VPS13B: variants seen among roughly 807,000 people sequenced by gnomAD.
VPS13B encodes the protein vacuolar protein sorting 13 homolog B.
A neutral mutation model predicts 426.4 loss-of-function variants in VPS13B; 285 were observed. The ratio of observed to expected loss-of-function variants is 0.67; its 90% CI spans 0.61 to 0.74. The LOEUF is 0.74. Ranked by LOEUF, VPS13B falls within the 30% of genes least tolerant of loss-of-function variation. VPS13B has a pLI of 0.00. For missense variants in VPS13B, 4,537 were observed against 4,782.6 expected, an observed-to-expected ratio of 0.95 and a Z score of 1.51; for synonymous variants, 1,676 against 1,676.4, an observed-to-expected ratio of 1.00 and a Z score of 0.01.
chr8:99,115,703 C>T lies in VPS13B; in HGVS notation c.766C>T (p.His256Tyr), dbSNP rs1482237376. 1 of 1,612,538 alleles carries T rather than the reference C, an allele frequency of 6.2e-7. No individual in the cohort carries two copies. Residue 256 changes from histidine (H) to tyrosine (Y), a missense_variant, in exon 7 of 62, where the codon CAT becomes TAT. Transcript: ENST00000357162. ...TTATGTCTTTTTCAAAATGCAGATT[C>T]ATACTTTAGTGGAAAGTTTGAAACT... Reference protein sequence around the residue: ...NSKMPSVIKIHTLVESLKLSI... With the variant: ...NSKMPSVIKIYTLVESLKLSI...
chr8:99,293,614 C>A (rs1235749291), intron 19 of VPS13B, among the ~76,000 whole-genome samples: 14 of 138,850 alleles, frequency 1.0e-4, no homozygotes, highest in East Asian at 4.4e-4. Context: ...CAACCTACAA[C>A]ATGGGAGAAA....
chr8:99,685,163 T>A (rs1408739602), intron 35 of VPS13B, among the ~76,000 whole-genome samples: 1 of 152,254 alleles, frequency 6.6e-6, no homozygotes, highest in Non-Finnish European at 1.5e-5. Context: ...AAACAAAACT[T>A]CAATAAATAT....
intron 16 of VPS13B, among the ~76,000 whole-genome samples, chr8:99,188,213 C>G (rs1813332407): frequency 1.3e-5 from 2 of 151,968 alleles, no homozygotes; most frequent in Admixed American, 1.3e-4. Context: ...GTGGTTTTTA[C>G]TATATTCACA....
At chr8:99,032,523 C>CT (rs1842552692) in intron 2 of VPS13B, among the ~76,000 whole-genome samples, 1 of 147,282 alleles carries the variant, frequency 6.8e-6, no homozygotes, top group Admixed American at 6.8e-5. Flanking sequence ...TACTTTCTTT[C>CT]TTTCTTTTCT....
intron 14 of VPS13B, among the ~76,000 whole-genome samples, chr8:99,149,346 C>A (rs1032295039): frequency 3.3e-5 from 5 of 152,196 alleles, no homozygotes; most frequent in African/African-American, 1.2e-4. Flanking sequence ...GAGACAGAGT[C>A]TCGCTCTGTT....
chr8:99,511,542 T>A (rs1157242203), intron 29 of VPS13B, 30 bp downstream of exon 29: 1 of 1,599,354 alleles, frequency 6.3e-7, no homozygotes, highest in Non-Finnish European at 8.5e-7. Context: ...TTTGTCTGAT[T>A]TTAAATAATT....
chr8:99,055,045 T>TTG (rs60065964), intron 3 of VPS13B, among the ~76,000 whole-genome samples: 1 of 16,326 alleles, frequency 6.1e-5, no homozygotes, highest in Non-Finnish European at 1.6e-4. Flanking sequence ...TTTTTTTTTG[T>TTG]TTTTTTTTTT....
intron 19 of VPS13B, among the ~76,000 whole-genome samples, chr8:99,337,325 G>A (rs1360166670): frequency 2.7e-5 from 4 of 145,482 alleles, no homozygotes; most frequent in Non-Finnish European, 4.5e-5. Flanking sequence ...AGAACACATG[G>A]ACATAGGAAG....
At chr8:99,447,206 C>T (rs1245506468) in intron 23 of VPS13B, among the ~76,000 whole-genome samples, 4 of 152,070 alleles carry the variant, frequency 2.6e-5, no homozygotes, top group African/African-American at 9.7e-5. Flanking sequence ...TTACTTCCAA[C>T]ATGTTGGTGG....
intron 17 of VPS13B, among the ~76,000 whole-genome samples, chr8:99,265,134 T>G (rs993415525): frequency 6.6e-6 from 1 of 152,204 alleles, no homozygotes; most frequent in South Asian, 2.1e-4. Context: ...TGAAGTTTTC[T>G]TCTGCTCCTG....
intron 24 of VPS13B, among the ~76,000 whole-genome samples, chr8:99,481,297 G>T (rs1033214883): frequency 1.1e-4 from 16 of 152,092 alleles, no homozygotes; most frequent in African/African-American, 3.9e-4. Context: ...CTGTCCTCTG[G>T]TTGAGAGGCA....
chr8:99,156,703 A>G lies in VPS13B; in HGVS notation c.2168A>G (p.Asp723Gly), dbSNP rs1488728924. 1.2e-6 allele frequency: 2 copies of G among 1,614,076 alleles called. No homozygotes were observed. The highest frequency in any genetic ancestry group is 2.2e-5 in the East Asian group (1 of 44,870). The change falls in exon 15 of 62, where the codon GAT (aspartate) becomes GGT (glycine). Residue 723 changes from aspartate to glycine, a missense_variant. Transcript: ENST00000357162. ...GTCAGCAGCCTTACTCAACCTTCTGATAACCTGCTTCATTATTGTTATGTA... is the reference window on the plus strand; with the variant it reads ...GTCAGCAGCCTTACTCAACCTTCTGGTAACCTGCTTCATTATTGTTATGTA... The part of the protein sequence containing the change: ...HVVSSLTQPS[D>G]NLLHYCYVHC...
In VPS13B at chr8:99,875,780, TC is replaced by T; in HGVS notation, c.*117del. The T allele has an allele frequency of 1.4e-6, 2 of 1,394,252 alleles. No homozygotes were observed. The highest frequency in any genetic ancestry group is 2.0e-6 in the Non-Finnish European group (2 of 1,003,464). The allele number at this position is 1,394,252 out of a possible 1,614,324, so 86.4% of individuals were successfully genotyped here. On this transcript the variant is annotated 3_prime_UTR_variant, in exon 62 of 62. Transcript: ENST00000357162. ...TCAAATTCTGGGGTTCAAGCAATCC[TC>T]CCACCTCAACCCACAAGTAGCTACG...
chr8:99,755,834 T>C (rs542123784), intron 39 of VPS13B, among the ~76,000 whole-genome samples: 5 of 152,166 alleles, frequency 3.3e-5, no homozygotes, highest in Admixed American at 6.6e-5. Context: ...ATCTGATTTT[T>C]AAAGTTCCCT....
intron 58 of VPS13B, among the ~76,000 whole-genome samples, chr8:99,867,804 TAAG>T (rs1817182245): frequency 6.6e-6 from 1 of 152,194 alleles, no homozygotes; most frequent in Non-Finnish European, 1.5e-5. Context: ...TAATTACTCT[TAAG>T]TATTAATACT....
chr8:99,124,251 C>A (rs1488313811), intron 8 of VPS13B, among the ~76,000 whole-genome samples: 1 of 152,108 alleles, frequency 6.6e-6, no homozygotes, highest in East Asian at 1.9e-4. Flanking sequence ...TGATTTTGAG[C>A]AGAGCAGTGA....
chr8:99,595,395 G>T (rs1470660367), intron 33 of VPS13B, among the ~76,000 whole-genome samples: 1 of 151,782 alleles, frequency 6.6e-6, no homozygotes, highest in African/African-American at 2.4e-5. Context: ...TATTTTCAAG[G>T]AATAATGCTA....
At chr8:99,507,878 C>T in intron 28 of VPS13B, 1 of 1,614,070 alleles carries the variant, frequency 6.2e-7, no homozygotes. Context: ...GCAAGCAGGA[C>T]CCTTTCAGTA....
intron 5 of VPS13B, among the ~76,000 whole-genome samples, chr8:99,108,853 G>A (rs910152089): frequency 9.9e-5 from 15 of 152,120 alleles, no homozygotes; most frequent in Admixed American, 6.5e-4. Flanking sequence ...CATTGATTTC[G>A]TAGATTGCTT....
Sources: allele counts gnomAD v4.1 joint callset (sites outside exome capture counted in the v4.1 genomes callset), GRCh38; gene constraint gnomAD v4.1.1; transcripts MANE v1.5; gene names NCBI Gene and HGNC (gene_info 2026-07-23, HGNC 2026-07-21).